The following PIBF1 variants were observed in gnomAD, a reference collection of about 807,000 sequenced individuals.
PIBF1 encodes progesterone-induced-blocking factor 1.
PIBF1 carries 90 observed loss-of-function variants against 112.5 expected under a neutral mutation model. That is an observed-to-expected ratio of 0.80 (90% CI 0.67 to 0.95). The LOEUF is 0.95. PIBF1 is among the 40% of genes least tolerant of loss of function. PIBF1 has a pLI of 0.00. For missense variants in PIBF1, 915 were observed against 852.3 expected, an observed-to-expected ratio of 1.07 and a Z score of -0.92; for synonymous variants, 301 against 288.6, an observed-to-expected ratio of 1.04 and a Z score of -0.44.
intron 9 of PIBF1, among the ~76,000 whole-genome samples, chr13:72,850,090 T>G (rs755917782): frequency 2.0e-5 from 3 of 152,182 alleles, no homozygotes; most frequent in South Asian, 4.1e-4. Flanking sequence ...TTATAAGGAA[T>G]TATGCTGCGT....
At chr13:72,893,264 A>G (rs989229017) in intron 10 of PIBF1, among the ~76,000 whole-genome samples, 11 of 152,164 alleles carry the variant, frequency 7.2e-5, no homozygotes, top group Non-Finnish European at 1.3e-4. Flanking sequence ...TTGTAGGTCT[A>G]TATTTATCTT....
chr13:72,912,613 CCAAGAGA>C, intron 12 of PIBF1, among the ~76,000 whole-genome samples: 1 of 152,100 alleles, frequency 6.6e-6, no homozygotes, highest in Admixed American at 6.5e-5. Flanking sequence ...CGTTACTTAC[CCAAGAGA>C]GAAGAAAGCA....
At position 72,917,349 on chromosome 13, in the gene PIBF1, G is replaced by A. The variant is rs186417868; in HGVS notation, c.1730+183G>A. Among the ~76,000 whole-genome samples the A allele has an allele frequency of 3.5e-3, 534 of 152,000 alleles. 2 individuals are homozygous for A. Among genetic ancestry groups the A allele is most frequent in the African/African-American group, 0.012 (505 of 41,346 alleles). ...TTTCATATATATTTAAATAAATTTA[G>A]TGGTTTGTAGAAGTGTGCATAAGAA... On this transcript the variant is annotated intron_variant, in intron 13 of 17. Coordinates refer to ENST00000326291, the MANE Select transcript of PIBF1 (RefSeq NM_006346.4).
At chr13:72,825,629 A>G (rs541393113) in intron 6 of PIBF1, among the ~76,000 whole-genome samples, 1 of 152,318 alleles carries the variant, frequency 6.6e-6, no homozygotes, top group African/African-American at 2.4e-5. Flanking sequence ...TCTGGAACCC[A>G]TTCTCCACAT....
intron 5 of PIBF1, among the ~76,000 whole-genome samples, chr13:72,821,475 C>T (rs2036554446): frequency 6.6e-6 from 1 of 152,114 alleles, no homozygotes; most frequent in Admixed American, 6.6e-5. Flanking sequence ...ACTGTAAAAT[C>T]CTCAAGAACA....
chr13:72,966,238 T>C (rs775779585), intron 15 of PIBF1, among the ~76,000 whole-genome samples: 8 of 152,172 alleles, frequency 5.3e-5, no homozygotes, highest in Non-Finnish European at 7.4e-5. Flanking sequence ...TATAAACCTA[T>C]TGGTAACTAA....
At chr13:72,970,114 A>G (rs1301417673) in intron 15 of PIBF1, among the ~76,000 whole-genome samples, 7 of 152,158 alleles carry the variant, frequency 4.6e-5, no homozygotes, top group Admixed American at 4.6e-4. Flanking sequence ...AAACAATACC[A>G]CTATACCATA....
intron 14 of PIBF1, among the ~76,000 whole-genome samples, chr13:72,953,643 C>G (rs2042362924): frequency 6.6e-6 from 1 of 152,146 alleles, no homozygotes; most frequent in South Asian, 2.1e-4. Flanking sequence ...GTACTGGGCA[C>G]ATGGACAGAC....
At chr13:72,933,679 A>G (rs1324858399) in intron 14 of PIBF1, among the ~76,000 whole-genome samples, 1 of 152,154 alleles carries the variant, frequency 6.6e-6, no homozygotes, top group African/African-American at 2.4e-5. Context: ...AAAAAGAAAG[A>G]ATTTCTAAAT....
At chr13:72,805,289 C>A (rs2035673353) in intron 5 of PIBF1, among the ~76,000 whole-genome samples, 1 of 152,298 alleles carries the variant, frequency 6.6e-6, no homozygotes, top group East Asian at 1.9e-4. Context: ...ACTACAGGCA[C>A]ACGCCACGAC....
chr13:72,895,315 A>C (rs939604342), intron 11 of PIBF1, among the ~76,000 whole-genome samples: 2 of 149,378 alleles, frequency 1.3e-5, no homozygotes, highest in Admixed American at 6.7e-5. Context: ...ATTTAAACTT[A>C]AATAATATTT....
At chr13:72,862,111 A>G (rs555588458) in intron 10 of PIBF1, among the ~76,000 whole-genome samples, 1 of 152,272 alleles carries the variant, frequency 6.6e-6, no homozygotes, top group African/African-American at 2.4e-5. Flanking sequence ...ACCAGGAAAA[A>G]AAACATTTAG....
chr13:72,835,590 C>CT (rs56270240), intron 9 of PIBF1, among the ~76,000 whole-genome samples: 9 of 151,192 alleles, frequency 6.0e-5, no homozygotes, highest in Non-Finnish European at 4.4e-5. Context: ...CCTGTTATGT[C>CT]TTTTTTTTTT....
intron 8 of PIBF1, among the ~76,000 whole-genome samples, chr13:72,830,630 G>A (rs1236273949): frequency 6.6e-6 from 1 of 152,150 alleles, no homozygotes; most frequent in African/African-American, 2.4e-5. Context: ...AAGCCAACTT[G>A]ATCATGGTGG....
chr13:72,790,251 G>A (rs1206895635), intron 2 of PIBF1, among the ~76,000 whole-genome samples: 1 of 152,170 alleles, frequency 6.6e-6, no homozygotes, highest in Non-Finnish European at 1.5e-5. Context: ...GACAGAAACA[G>A]AAGAGTTACA....
chr13:72,822,114 T>G, intron 6 of PIBF1, 132 bp downstream of exon 6: 1 of 732,560 alleles, frequency 1.4e-6, no homozygotes, highest in South Asian at 2.6e-5. Context: ...GCATGCAGTT[T>G]TGGCAGTTTG....
At chr13:72,807,759 T>A (rs1317772494) in intron 5 of PIBF1, among the ~76,000 whole-genome samples, 1 of 152,218 alleles carries the variant, frequency 6.6e-6, no homozygotes, top group East Asian at 1.9e-4. Flanking sequence ...ATCAATCAGC[T>A]TATATTCCCA....
chr13:72,959,144 C>T (rs756262032), intron 14 of PIBF1, among the ~76,000 whole-genome samples: 10 of 152,012 alleles, frequency 6.6e-5, no homozygotes, highest in South Asian at 2.1e-4. Context: ...TACAGGCATG[C>T]GCCACCACAC....
At chr13:73,003,601 A>G (rs931394086) in intron 17 of PIBF1, among the ~76,000 whole-genome samples, 2 of 152,004 alleles carry the variant, frequency 1.3e-5, no homozygotes, top group Non-Finnish European at 2.9e-5. Context: ...TTTACTGACT[A>G]TATGCAAGAG....
Sources: gnomAD v4.1 joint callset for allele counts (sites outside exome capture counted in the v4.1 genomes callset) on GRCh38, gnomAD v4.1.1 for gene constraint, MANE v1.5 for transcripts, NCBI Gene and HGNC (gene_info 2026-07-23, HGNC 2026-07-21) for gene names.